The following RNF220 variants were observed in gnomAD, a reference collection of about 807,000 sequenced individuals.
RNF220 encodes the protein ring finger protein 220.
In RNF220, 7 loss-of-function variants were observed where a neutral mutation model predicts 67.1. The observed-to-expected ratio is 0.10, with a 90% CI of 0.06 to 0.20. The LOEUF is 0.20. Ranked by LOEUF, RNF220 falls within the 10% of genes least tolerant of loss-of-function variation. RNF220 has a pLI of 1.00. For missense variants in RNF220, 565 were observed against 740.3 expected, an observed-to-expected ratio of 0.76 and a Z score of 2.75; for synonymous variants, 270 against 283.2, an observed-to-expected ratio of 0.95 and a Z score of 0.47.
intron 2 of RNF220, among the ~76,000 whole-genome samples, chr1:44,487,740 C>G (rs2148041991): frequency 6.7e-6 from 1 of 149,398 alleles, no homozygotes; most frequent in African/African-American, 2.4e-5. Flanking sequence ...ATTAGCTGAG[C>G]ATGGTGGCAC....
rs115890236 is a variant in RNF220 at position 44,574,794 on chromosome 1, G to A, written c.626-39371G>A. Among the ~76,000 whole-genome samples the A allele has an allele frequency of 9.9e-3, 1,509 of 152,174 alleles. 33 individuals are homozygous for A. The highest frequency in any genetic ancestry group is 0.035 in the African/African-American group (1,459 of 41,500). The stretch of plus-strand genomic sequence containing the variant: ...GTGATTCCTCTGTGCTTCCTCAGCC[G>A]CCTGTGCTAACCCCTATGGGATTGT... On this transcript the variant is annotated intron_variant, in intron 2 of 14. Coordinates refer to ENST00000361799, the MANE Select transcript of RNF220 (RefSeq NM_018150.4).
At position 44,612,889 on chromosome 1, in the gene RNF220, C is replaced by A. The variant is rs1024303664; in HGVS notation, c.626-1276C>A. On this transcript the variant is annotated intron_variant, in intron 2 of 14. Coordinates refer to ENST00000361799, the MANE Select transcript of RNF220 (RefSeq NM_018150.4). ...TTATCTCTCTGAAAGCTGATTTTGACCCCCTCCAGGAACCAGTGGGAAGAA... is the reference window on the plus strand; with the variant it reads ...TTATCTCTCTGAAAGCTGATTTTGAACCCCTCCAGGAACCAGTGGGAAGAA... 2.7e-4 allele frequency among the ~76,000 whole-genome samples: 41 copies of A among 152,178 alleles called. 1 individual carries two copies. Among genetic ancestry groups the A allele is most frequent in the Non-Finnish European group, 8.8e-5 (6 of 68,028 alleles).
intron 2 of RNF220, among the ~76,000 whole-genome samples, chr1:44,539,537 A>G (rs1661517467): frequency 6.6e-6 from 1 of 152,230 alleles, no homozygotes; most frequent in African/African-American, 2.4e-5. Context: ...GCTAATCATC[A>G]TAATGCAATG....
intron 2 of RNF220, among the ~76,000 whole-genome samples, chr1:44,532,263 A>G (rs1660893110): frequency 6.6e-6 from 1 of 152,240 alleles, no homozygotes. Flanking sequence ...TGGAAGTCAC[A>G]TTAGCTGCTG....
chr1:44,533,559 C>A (rs529501302), intron 2 of RNF220, among the ~76,000 whole-genome samples: 36 of 152,334 alleles, frequency 2.4e-4, no homozygotes, highest in African/African-American at 8.7e-4. Context: ...TAGATAGAAA[C>A]ATGTATTAAG....
At chr1:44,526,132 A>C (rs1486054299) in intron 2 of RNF220, among the ~76,000 whole-genome samples, 3 of 152,032 alleles carry the variant, frequency 2.0e-5, no homozygotes, top group African/African-American at 7.2e-5. Flanking sequence ...TCAAATCCCA[A>C]ATCCATGAAA....
chr1:44,620,012 C>G (rs2148444470), intron 3 of RNF220, among the ~76,000 whole-genome samples: 1 of 152,262 alleles, frequency 6.6e-6, no homozygotes, highest in East Asian at 1.9e-4. Flanking sequence ...CCCTGAATGT[C>G]CCTGTTTCTG....
chr1:44,587,194 C>G lies in RNF220; in HGVS notation c.626-26971C>G, dbSNP rs190018476. 1.3e-3 allele frequency among the ~76,000 whole-genome samples: 192 copies of G among 143,352 alleles called. 1 individual carries two copies. The highest frequency in any genetic ancestry group is 5.0e-3 in the African/African-American group (185 of 37,342). 94.0% of individuals were successfully genotyped at this position (143,352 alleles called of 152,430 possible). ...ACGGAGTCTTGTTCTGTCACCCAAG[C>G]TAGAGTGCAGTGGCACAATCTCGGC... On this transcript the variant is annotated intron_variant, in intron 2 of 14. Coordinates refer to ENST00000361799, the MANE Select transcript of RNF220 (RefSeq NM_018150.4).
intron 2 of RNF220, among the ~76,000 whole-genome samples, chr1:44,536,500 G>A (rs930182468): frequency 6.6e-6 from 1 of 152,206 alleles, no homozygotes; most frequent in Non-Finnish European, 1.5e-5. Flanking sequence ...CTGTCCAGCA[G>A]GCTGTGGGCC....
chr1:44,619,434 A>T (rs554044872), intron 3 of RNF220, among the ~76,000 whole-genome samples: 3 of 152,190 alleles, frequency 2.0e-5, no homozygotes, highest in African/African-American at 7.2e-5. Context: ...TGGTTGGGTA[A>T]TGAACTAGAT....
chr1:44,438,498 T>G (rs1651212516), intron 2 of RNF220, among the ~76,000 whole-genome samples: 2 of 152,212 alleles, frequency 1.3e-5, no homozygotes, highest in East Asian at 3.8e-4. Context: ...TCTGGTACGA[T>G]TCATTAATTC....
rs142154073 is a variant in RNF220 at position 44,462,030 on chromosome 1, C to T, written c.625+49308C>T. ...GTGACCTCCATCTCCCAGATTCAAG[C>T]GATTCTCCTGCTTCAGCCTCCCAAG... On this transcript the variant is annotated intron_variant, in intron 2 of 14. Transcript: ENST00000361799. Among the ~76,000 whole-genome samples the T allele has an allele frequency of 5.4e-5, 8 of 147,256 alleles. No homozygotes were observed. The East Asian group carries it at 1.0e-3, about 19-fold the overall frequency.
chr1:44,503,937 C>T (rs924314315), intron 2 of RNF220, among the ~76,000 whole-genome samples: 2 of 152,130 alleles, frequency 1.3e-5, no homozygotes, highest in African/African-American at 4.8e-5. Context: ...ACAACCTCCA[C>T]GTCTTGGGTT....
At chr1:44,410,539 A>G (rs1433171244) in intron 1 of RNF220, 5 of 152,178 alleles carry the variant, frequency 3.3e-5, no homozygotes, top group Admixed American at 6.5e-5. Context: ...GATGGTGTCC[A>G]CTCATCTTCC....
rs1644751886 is a variant in RNF220, at chr1:44,650,114, A to C, written c.1629+157A>C. The C allele has an allele frequency of 2.4e-5, 18 of 750,128 alleles. No homozygotes were observed. The South Asian group carries it at 3.3e-4, about 14-fold the overall frequency. 46.5% of individuals were successfully genotyped at this position (750,128 alleles called of 1,614,324 possible). ...ATTTACCCGCAGGATATTTACCCCC[A>C]GGCTCGCTGCCTCTCCTCCCCAACT... On this transcript the variant is annotated intron_variant, in intron 14 of 14. Coordinates refer to ENST00000361799, the MANE Select transcript of RNF220 (RefSeq NM_018150.4). This position sits in a 1 kb window ranked among gnomAD's most constrained non-coding sequence, Gnocchi z 4.3.
At chr1:44,549,189 G>A (rs1019317151) in intron 2 of RNF220, among the ~76,000 whole-genome samples, 11 of 152,048 alleles carry the variant, frequency 7.2e-5, no homozygotes, top group Non-Finnish European at 1.5e-4. Context: ...ACTCTGTCTC[G>A]GGAAAAACAA....
At chr1:44,644,315 G>A (rs555051511) in intron 8 of RNF220, 2 of 202,694 alleles carry the variant, frequency 9.9e-6, no homozygotes, top group South Asian at 1.7e-4. Context: ...GGGGCATAGG[G>A]GAGGCCCCAC....
intron 2 of RNF220, among the ~76,000 whole-genome samples, chr1:44,512,995 A>T (rs1659146539): frequency 6.6e-6 from 1 of 152,182 alleles, no homozygotes; most frequent in African/African-American, 2.4e-5. Context: ...CCAACAGACC[A>T]GCTTTCATTT....
chr1:44,635,832 T>C, intron 7 of RNF220, 198 bp from the exon 8 acceptor site: 1 of 1,290,372 alleles, frequency 7.7e-7, no homozygotes, highest in Non-Finnish European at 1.1e-6. Context: ...ACTCATTCCC[T>C]CCTTGGGCTC....
Sources: gnomAD v4.1 joint callset for allele counts (sites outside exome capture counted in the v4.1 genomes callset) on GRCh38, gnomAD v4.1.1 for gene constraint, Gnocchi (gnomAD v3.1) non-coding constraint, MANE v1.5 for transcripts, NCBI Gene and HGNC (gene_info 2026-07-23, HGNC 2026-07-21) for gene names.